RIN2: variants seen among roughly 807,000 people sequenced by gnomAD.
RIN2 encodes the protein Ras and Rab interactor 2.
RIN2 carries 36 observed loss-of-function variants against 78.0 expected under a neutral mutation model. That is an observed-to-expected ratio of 0.46 (90% CI 0.35 to 0.61). The LOEUF (loss-of-function observed/expected upper bound fraction) is 0.61, where lower values mean the gene tolerates loss of function less well. RIN2 is among the 20% of genes least tolerant of loss of function. RIN2 has a pLI of 0.00. For synonymous variants in RIN2, 466 were observed against 466.8 expected (o/e 1.00, Z 0.02); for missense variants, 1,087 against 1,159.7 (o/e 0.94, Z 0.91).
Position 19,956,710 on chromosome 20 carries a change from G to A in RIN2, c.254G>A (p.Ser85Asn). Residue 85 changes from serine (S) to asparagine (N), a missense_variant, in exon 5 of 13, where the codon AGC (serine) becomes AAC (asparagine). By Grantham distance (46) the Ser-to-Asn change is conservative (BLOSUM62 1). Around this residue, in one of 8 missense-constraint regions of RIN2, gnomAD observed 706 missense variants for 667.5 expected, o/e 1.06. Transcript: ENST00000255006. Reference sequence around the variant, plus strand: ...TATGACAGCCTCTCCAACAGGCTCAGCATCTTGGACCGGCTCCTCCACACC... The same window carrying A: ...TATGACAGCCTCTCCAACAGGCTCAACATCTTGGACCGGCTCCTCCACACC... ...SGYDSLSNRL[S>N]ILDRLLHTHP... 6.2e-7 allele frequency: 1 copy of A among 1,612,058 alleles called. No homozygotes were observed. The highest frequency in any genetic ancestry group is 8.5e-7 in the Non-Finnish European group (1 of 1,179,198).
chr20:19,801,294 TTTA>T (rs944059973), intron 2 of RIN2, among the ~76,000 whole-genome samples: 7 of 151,958 alleles, frequency 4.6e-5, no homozygotes, highest in African/African-American at 9.7e-5. Flanking sequence ...TTTATTTTAT[TTTA>T]TTATTATTAT....
At chr20:19,976,034 TCTG>T in intron 9 of RIN2, among the ~76,000 whole-genome samples, 1 of 152,306 alleles carries the variant, frequency 6.6e-6, no homozygotes, top group South Asian at 2.1e-4. Flanking sequence ...AGTTTGGTCC[TCTG>T]TGGGTCCAGC....
chr20:19,847,597 G>T (rs745610700), intron 2 of RIN2, among the ~76,000 whole-genome samples: 1 of 152,170 alleles, frequency 6.6e-6, no homozygotes, highest in Non-Finnish European at 1.5e-5. Context: ...AGCACTTGAC[G>T]TGTGGCTTGT....
intron 2 of RIN2, among the ~76,000 whole-genome samples, chr20:19,837,742 CT>C (rs869264995): frequency 8.1e-6 from 1 of 123,826 alleles, no homozygotes; most frequent in African/African-American, 2.8e-5. Context: ...TTGATTCTTT[CT>C]TTTTTCTCTT....
intron 2 of RIN2, among the ~76,000 whole-genome samples, chr20:19,846,841 T>C (rs1177432930): frequency 2.0e-5 from 3 of 152,312 alleles, no homozygotes; most frequent in East Asian, 1.9e-4. Context: ...TTCAGTATGA[T>C]ATTGGCTGTG....
chr20:19,971,165 T>C (rs1395840025), intron 8 of RIN2, among the ~76,000 whole-genome samples: 1 of 151,086 alleles, frequency 6.6e-6, no homozygotes, highest in Admixed American at 6.6e-5. Context: ...AAATCCAGTG[T>C]AGTGCATCTC....
intron 3 of RIN2, among the ~76,000 whole-genome samples, chr20:19,924,466 CT>C (rs1389822045): frequency 7.9e-6 from 1 of 126,662 alleles, no homozygotes; most frequent in Non-Finnish European, 1.8e-5. Flanking sequence ...ATACCCTCAC[CT>C]TCATACCCCC....
chr20:19,880,271 T>A (rs1019330306), intron 2 of RIN2, among the ~76,000 whole-genome samples: 8 of 146,698 alleles, frequency 5.5e-5, no homozygotes, highest in East Asian at 4.2e-4. Flanking sequence ...AAAAAAAAAA[T>A]TTCCAGCATG....
In RIN2 at chr20:19,816,992, G is replaced by A. The variant is rs547480890; in HGVS notation, c.-37+17245G>A. 5.9e-5 allele frequency among the ~76,000 whole-genome samples: 9 copies of A among 152,224 alleles called. No individual in the cohort carries two copies. In the East Asian group the frequency reaches 1.2e-3, roughly 20 times the overall value. On this transcript the variant is annotated intron_variant, in intron 2 of 12. Coordinates refer to ENST00000255006, the MANE Select transcript of RIN2 (RefSeq NM_018993.4). ...CATGATTGCAATATAATCATGTAGAGAAAATGGAGACATAGTCATATAGAG... is the reference window on the plus strand; with the variant it reads ...CATGATTGCAATATAATCATGTAGAAAAAATGGAGACATAGTCATATAGAG...
Position 19,868,731 on chromosome 20 carries a change from G to A in RIN2, c.-36-20835G>A, listed in dbSNP as rs1421531972. On this transcript the variant is annotated intron_variant, in intron 2 of 12. Transcript: ENST00000255006. ...GGGGAAGGGCTGATAATGGGAATAG[G>A]TAATGAAGGGAAGCTAGCACAGAGA... is the stretch of plus-strand genomic sequence containing the variant. Among the ~76,000 whole-genome samples the A allele has an allele frequency of 6.6e-5, 10 of 152,124 alleles. No homozygotes were observed. In the South Asian group the frequency reaches 2.1e-3, roughly 32 times the overall value.
At chr20:19,974,533 G>A (rs1227803126) in intron 8 of RIN2, 121 bp from the exon 9 acceptor site, 16 of 962,298 alleles carry the variant, frequency 1.7e-5, no homozygotes, top group Middle Eastern at 6.8e-4. Flanking sequence ...TGAGTACAAC[G>A]CACCCCCTAC....
rs369337135 is a variant in RIN2 at position 19,941,926 on chromosome 20, A to C, written c.158+6727A>C. Among the ~76,000 whole-genome samples the C allele has an allele frequency of 8.1e-4, 124 of 152,246 alleles. 1 individual carries two copies. Among genetic ancestry groups the C allele is most frequent in the Middle Eastern group, 6.8e-3 (2 of 294 alleles). Reference sequence around the variant, plus strand: ...TCAGGAGTTTGAGACCAGCTTGGCCAACATGGTGAAACCCCCTCTCTAGTA... The same window carrying C: ...TCAGGAGTTTGAGACCAGCTTGGCCCACATGGTGAAACCCCCTCTCTAGTA... On this transcript the variant is annotated intron_variant, in intron 4 of 12. Transcript: ENST00000255006.
intron 2 of RIN2, among the ~76,000 whole-genome samples, chr20:19,838,708 A>G (rs1019170654): frequency 5.3e-5 from 8 of 152,144 alleles, no homozygotes; most frequent in Non-Finnish European, 1.2e-4. Flanking sequence ...AATCTAAACC[A>G]ATGGCCTGGA....
intron 2 of RIN2, among the ~76,000 whole-genome samples, chr20:19,886,291 T>C (rs903643444): frequency 4.6e-5 from 7 of 152,208 alleles, no homozygotes; most frequent in African/African-American, 1.7e-4. Flanking sequence ...CGGTCTCACA[T>C]AGCAGGCAGG....
intron 1 of RIN2, among the ~76,000 whole-genome samples, chr20:19,789,147 A>G (rs888585093): frequency 4.6e-5 from 7 of 152,178 alleles, no homozygotes; most frequent in African/African-American, 1.7e-4. Context: ...CAAAGGCTAC[A>G]CTGCAATTAA....
At chr20:19,837,214 AGTG>A (rs2036449052) in intron 2 of RIN2, among the ~76,000 whole-genome samples, 2 of 150,494 alleles carry the variant, frequency 1.3e-5, no homozygotes, top group African/African-American at 4.9e-5. Flanking sequence ...ACACACACAG[AGTG>A]AATTACACAG....
intron 9 of RIN2, among the ~76,000 whole-genome samples, chr20:19,979,312 C>A (rs891034097): frequency 1.3e-5 from 2 of 152,176 alleles, no homozygotes; most frequent in African/African-American, 4.8e-5. Context: ...TATTCATATT[C>A]CTAGAAGTCA....
In RIN2 at chr20:20,000,722, A is replaced by G; in HGVS notation, c.2474A>G (p.Lys825Arg). 1.2e-6 allele frequency: 2 copies of G among 1,613,940 alleles called. No homozygotes were observed. The highest frequency in any genetic ancestry group is 1.7e-6 in the Non-Finnish European group (2 of 1,179,870). The change falls in exon 13 of 13, where the codon AAG becomes AGG. Residue 825 changes from lysine to arginine, a missense_variant. By Grantham distance (26) the Lys-to-Arg change is conservative (BLOSUM62 2). This residue lies in a region of RIN2 where 160 missense variants were observed against 179.4 expected (regional missense o/e 0.89). Transcript: ENST00000255006. ...GATGTGTGTCAGATCTGCGCTGAGA[A>G]GTTCAAGGTGGGGGACCCTGAGGAG... is the stretch of plus-strand genomic sequence containing the variant. ...TEDVCQICAE[K>R]FKVGDPEEYS...
chr20:19,852,129 T>C (rs4813375), intron 2 of RIN2, among the ~76,000 whole-genome samples: 137,590 of 152,252 alleles, frequency 0.9, 62,241 homozygotes, highest in East Asian at 0.96. Flanking sequence ...TTTATTCTAT[T>C]GGGCAATGCA....
Sources: allele counts gnomAD v4.1 joint callset (sites outside exome capture counted in the v4.1 genomes callset), GRCh38; gene constraint gnomAD v4.1.1; regional missense constraint gnomAD v4.1.1; transcripts MANE v1.5; gene names NCBI Gene and HGNC (gene_info 2026-07-23, HGNC 2026-07-21).